ZFHX3: variants seen among roughly 807,000 people sequenced by gnomAD.
ZFHX3 encodes the protein zinc finger homeobox 3, also known as zinc finger homeobox protein 3.
ZFHX3 carries 42 observed loss-of-function variants against 279.1 expected under a neutral mutation model. The observed-to-expected ratio is 0.15, with a 90% CI of 0.12 to 0.19. The LOEUF is 0.19. Among genes scored for constraint, ZFHX3 ranks in the 10% least tolerant of loss-of-function variants. ZFHX3 has a pLI of 1.00. For synonymous variants in ZFHX3, 2,293 were observed against 1,957.8 expected (o/e 1.17, Z -4.52); for missense variants, 4,981 against 4,754.0 (o/e 1.05, Z -1.40).
chr16:73,337,894 G>GC (rs201070187), intron 3 of ZFHX3, among the ~76,000 whole-genome samples: 2 of 143,344 alleles, frequency 1.4e-5, no homozygotes, highest in Non-Finnish European at 3.1e-5. Flanking sequence ...TCCCTTGGCG[G>GC]GGGGGGGGGT....
At chr16:73,581,117 T>C (rs1567524460) in intron 2 of ZFHX3, among the ~76,000 whole-genome samples, 1 of 151,870 alleles carries the variant, frequency 6.6e-6, no homozygotes, top group African/African-American at 2.4e-5. Flanking sequence ...AAATGTTCTT[T>C]ATTTTCTCAA....
intron 1 of ZFHX3, among the ~76,000 whole-genome samples, chr16:73,035,739 A>G (rs1027806397): frequency 2.0e-5 from 3 of 152,070 alleles, no homozygotes; most frequent in African/African-American, 7.2e-5. Flanking sequence ...TACAAAACAA[A>G]ACAAAAATTA....
At chr16:73,282,589 A>G (rs955246966) in intron 4 of ZFHX3, among the ~76,000 whole-genome samples, 3 of 152,106 alleles carry the variant, frequency 2.0e-5, no homozygotes, top group African/African-American at 7.2e-5. Flanking sequence ...TTCTGCACTC[A>G]CTACGATTAA....
chr16:73,524,633 G>A (rs988708911), intron 2 of ZFHX3, among the ~76,000 whole-genome samples: 4 of 152,080 alleles, frequency 2.6e-5, no homozygotes, highest in South Asian at 2.1e-4. Context: ...CCTACTCTAC[G>A]GAAGCCTCTA....
intron 1 of ZFHX3, among the ~76,000 whole-genome samples, chr16:73,024,025 T>C (rs996530826): frequency 1.3e-5 from 2 of 152,088 alleles, no homozygotes; most frequent in African/African-American, 4.8e-5. Context: ...GTATTACCAT[T>C]AAACAACATG....
chr16:73,653,105 A>G (rs1597048760), intron 2 of ZFHX3, among the ~76,000 whole-genome samples: 1 of 152,344 alleles, frequency 6.6e-6, no homozygotes, highest in East Asian at 1.9e-4. Flanking sequence ...AGATTTTAAA[A>G]CAAAAAGTAT....
In ZFHX3 at chr16:72,811,737, A is replaced by C. The variant is rs749045821; in HGVS notation, c.3704T>G (p.Val1235Gly). The C allele has an allele frequency of 5.0e-6, 8 of 1,614,082 alleles. No individual in the cohort carries two copies. In the Admixed American group the frequency reaches 1.3e-4, roughly 27 times the overall value. The change falls in exon 7 of 10, where the codon GTC (valine) becomes GGC (glycine). Residue 1235 changes from valine (V) to glycine (G), a missense_variant. Around this residue, in one of 7 missense-constraint regions of ZFHX3, gnomAD observed 1,751 missense variants for 1,770.0 expected, o/e 0.99. Coordinates refer to ENST00000268489, the MANE Select transcript of ZFHX3 (RefSeq NM_006885.4). ...CPYCKYSNAD[V>G]NRLRVHAMTQ... ...CATGGCATGCACCCGGAGCCGGTTGACATCGGCATTACTGTACTTGCAGTA... is the reference window on the plus strand; with the variant it reads ...CATGGCATGCACCCGGAGCCGGTTGCCATCGGCATTACTGTACTTGCAGTA...
chr16:72,900,144 A>AC (rs1255463099), intron 3 of ZFHX3, among the ~76,000 whole-genome samples: 1 of 151,828 alleles, frequency 6.6e-6, no homozygotes, highest in Non-Finnish European at 1.5e-5. Context: ...GCCAAAAAAA[A>AC]AAAAAAAAAA....
At chr16:73,259,165 G>A (rs1358287896) in intron 4 of ZFHX3, among the ~76,000 whole-genome samples, 1 of 152,206 alleles carries the variant, frequency 6.6e-6, no homozygotes, top group African/African-American at 2.4e-5. Context: ...ATGTGTGTGT[G>A]TACACACGTG....
At chr16:72,982,972 C>A in intron 1 of ZFHX3, among the ~76,000 whole-genome samples, 1 of 152,140 alleles carries the variant, frequency 6.6e-6, no homozygotes, top group East Asian at 1.9e-4. Flanking sequence ...GTGGGGGTAA[C>A]GTAAAGGGTG....
intron 5 of ZFHX3, among the ~76,000 whole-genome samples, chr16:73,238,551 G>T (rs1053054206): frequency 6.6e-6 from 1 of 152,034 alleles, no homozygotes; most frequent in South Asian, 2.1e-4. Context: ...CTTTTCCAAA[G>T]GCCTAACTGT....
intron 2 of ZFHX3, among the ~76,000 whole-genome samples, chr16:73,600,942 G>A (rs886553685): frequency 4.6e-5 from 7 of 151,684 alleles, no homozygotes; most frequent in African/African-American, 1.7e-4. Flanking sequence ...ATAACGCCCT[G>A]CCCAAAGCAG....
chr16:73,876,317 G>A lies in ZFHX3; in HGVS notation c.-1608+15334C>T, dbSNP rs115022690. ...AAAAACAAAACCTCTGGAAAAACAC[G>A]TAAGTTTTACCACACCCATGTACAC... is the stretch of plus-strand genomic sequence containing the variant. On this transcript the variant is annotated intron_variant, in intron 1 of 17. Transcript: ENST00000641206. Among the ~76,000 whole-genome samples the A allele has an allele frequency of 6.8e-3, 1,032 of 152,236 alleles. 4 individuals are homozygous for A. The highest frequency in any genetic ancestry group is 8.3e-3 in the South Asian group (40 of 4,822).
chr16:72,798,779 C>T, intron 8 of ZFHX3, 65 bp from the exon 9 acceptor site: 1 of 1,498,146 alleles, frequency 6.7e-7, no homozygotes, highest in Non-Finnish European at 8.8e-7. Flanking sequence ...GGATGGCACC[C>T]AGAGCGGTCT....
At chr16:73,762,784 CAT>C (rs2053885112) in intron 1 of ZFHX3, among the ~76,000 whole-genome samples, 1 of 152,098 alleles carries the variant, frequency 6.6e-6, no homozygotes, top group African/African-American at 2.4e-5. Flanking sequence ...AGTGTGAACA[CAT>C]AGACACAGGG....
chr16:73,312,840 G>T (rs1433246946), intron 4 of ZFHX3, among the ~76,000 whole-genome samples: 1 of 152,212 alleles, frequency 6.6e-6, no homozygotes, highest in Non-Finnish European at 1.5e-5. Context: ...CATCATAACT[G>T]TAGTTGCAAA....
At chr16:73,249,732 G>C (rs1200934876) in intron 5 of ZFHX3, among the ~76,000 whole-genome samples, 1 of 151,678 alleles carries the variant, frequency 6.6e-6, no homozygotes, top group East Asian at 1.9e-4. Flanking sequence ...AAATTCTACT[G>C]TTGTATCTTC....
At chr16:73,338,479 T>G (rs1046848811) in intron 3 of ZFHX3, among the ~76,000 whole-genome samples, 1 of 152,172 alleles carries the variant, frequency 6.6e-6, no homozygotes, top group African/African-American at 2.4e-5. Context: ...GCAGCTTGGT[T>G]CAGCCACATC....
At chr16:73,553,806 A>G (rs2020236975) in intron 2 of ZFHX3, among the ~76,000 whole-genome samples, 1 of 152,176 alleles carries the variant, frequency 6.6e-6, no homozygotes, top group African/African-American at 2.4e-5. Context: ...TCCTGCTTCT[A>G]GGTGCCAGGC....
Sources: allele counts gnomAD v4.1 joint callset (sites outside exome capture counted in the v4.1 genomes callset), GRCh38; gene constraint gnomAD v4.1.1; regional missense constraint gnomAD v4.1.1; transcripts MANE v1.5; gene names NCBI Gene and HGNC (gene_info 2026-07-23, HGNC 2026-07-21).